Variants in BBS9 observed in about 807,000 individuals in gnomAD.
BBS9 encodes protein PTHB1.
A neutral mutation model predicts 117.7 loss-of-function variants in BBS9; 89 were observed. The observed-to-expected ratio is 0.76, with a 90% CI of 0.64 to 0.90. BBS9 has a LOEUF of 0.90. BBS9 is among the 40% of genes least tolerant of loss of function. The pLI, the probability that BBS9 is intolerant of heterozygous loss-of-function variation, is 0.00. For synonymous variants in BBS9, 379 were observed against 370.9 expected, an observed-to-expected ratio of 1.02 and a Z score of -0.25; for missense variants, 982 against 1,042.2, an observed-to-expected ratio of 0.94 and a Z score of 0.80.
intron 19 of BBS9, among the ~76,000 whole-genome samples, chr7:33,454,986 G>A (rs547766731): frequency 1.3e-5 from 2 of 152,166 alleles, no homozygotes; most frequent in South Asian, 2.1e-4. Flanking sequence ...AAGACCACTG[G>A]CAAGTGACAA....
intron 19 of BBS9, among the ~76,000 whole-genome samples, chr7:33,391,653 A>T (rs970430031): frequency 3.3e-5 from 5 of 151,932 alleles, no homozygotes; most frequent in African/African-American, 1.2e-4. Context: ...GGCCATTTGT[A>T]TTTCTTTTTT....
At chr7:33,225,286 C>T (rs1436859312) in intron 5 of BBS9, among the ~76,000 whole-genome samples, 1 of 152,118 alleles carries the variant, frequency 6.6e-6, no homozygotes, top group Non-Finnish European at 1.5e-5. Flanking sequence ...TGGCCTTGAC[C>T]TCCTGGGCTG....
chr7:33,280,905 G>GGT (rs1554395477), intron 9 of BBS9, among the ~76,000 whole-genome samples: 2 of 48,772 alleles, frequency 4.1e-5, no homozygotes, highest in East Asian at 5.0e-4. Context: ...TTAATTTGTC[G>GGT]TTTTTGTTTT....
intron 5 of BBS9, among the ~76,000 whole-genome samples, chr7:33,193,743 T>C (rs1784534824): frequency 6.6e-6 from 1 of 152,216 alleles, no homozygotes; most frequent in African/African-American, 2.4e-5. Context: ...CTCTCTTTTG[T>C]GATTTTGCTA....
chr7:33,621,685 AG>A (rs1865413484), intron 21 of BBS9, among the ~76,000 whole-genome samples: 1 of 152,190 alleles, frequency 6.6e-6, no homozygotes. Context: ...CCATATCCAA[AG>A]GAAATAAAAT....
At position 33,601,228 on chromosome 7, in the gene BBS9, C is replaced by T. The variant is rs79383716; in HGVS notation, c.2522-3637C>T. On this transcript the variant is annotated intron_variant, in intron 21 of 22. Coordinates refer to ENST00000242067, the MANE Select transcript of BBS9 (RefSeq NM_198428.3). ...TTTAAGTCTCCTGCCCTCCTCGAGGCGAGACGCTTGCCTGATTTCCAGGCC... is the reference window on the plus strand; with the variant it reads ...TTTAAGTCTCCTGCCCTCCTCGAGGTGAGACGCTTGCCTGATTTCCAGGCC... Among the ~76,000 whole-genome samples, 590 of 152,190 alleles carry T rather than the reference C, an allele frequency of 3.9e-3. 2 individuals carry two copies. Among genetic ancestry groups the T allele is most frequent in the African/African-American group, 0.014 (562 of 41,524 alleles).
chr7:33,534,519 G>A (rs1410494776), intron 21 of BBS9: 10 of 385,518 alleles, frequency 2.6e-5, no homozygotes, highest in Admixed American at 7.4e-5. Flanking sequence ...ACAATATTTC[G>A]TAAATGTAAA....
intron 9 of BBS9, among the ~76,000 whole-genome samples, chr7:33,298,571 T>A (rs761175117): frequency 8.5e-5 from 13 of 152,180 alleles, no homozygotes; most frequent in Non-Finnish European, 1.3e-4. Flanking sequence ...CTGAATGATA[T>A]CTCTCTTGAA....
At chr7:33,588,204 T>C (rs1124250) in intron 21 of BBS9, among the ~76,000 whole-genome samples, 2,284 of 152,208 alleles carry the variant, frequency 0.015, 64 homozygotes, top group Admixed American at 0.069. Flanking sequence ...TGTGTTTTTA[T>C]CCAGTGAAAT....
intron 17 of BBS9, among the ~76,000 whole-genome samples, chr7:33,376,609 A>T (rs1306291378): frequency 6.6e-6 from 1 of 152,182 alleles, no homozygotes; most frequent in African/African-American, 2.4e-5. Context: ...TTTTTTGAGG[A>T]ATTGCCACAC....
intron 19 of BBS9, among the ~76,000 whole-genome samples, chr7:33,502,198 C>T (rs1351737483): frequency 3.3e-5 from 5 of 152,124 alleles, no homozygotes; most frequent in East Asian, 3.9e-4. Flanking sequence ...GTGAGTCACA[C>T]GCCCAGCCTT....
intron 12 of BBS9, among the ~76,000 whole-genome samples, chr7:33,348,690 G>A (rs570819982): frequency 8.6e-4 from 131 of 152,166 alleles, no homozygotes; most frequent in Admixed American, 1.5e-3. Flanking sequence ...AATATATGAG[G>A]GTTCTAGTTT....
intron 10 of BBS9, 133 bp from the exon 11 acceptor site, chr7:33,340,764 C>A: frequency 1.5e-6 from 1 of 655,442 alleles, no homozygotes; most frequent in South Asian, 1.9e-5. Context: ...TACTGTAATG[C>A]ATTAGTTTTT....
At chr7:33,235,171 A>G (rs1793245004) in intron 5 of BBS9, among the ~76,000 whole-genome samples, 1 of 152,278 alleles carries the variant, frequency 6.6e-6, no homozygotes, top group East Asian at 1.9e-4. Flanking sequence ...GGTAGCATTG[A>G]ATAGTTTAAG....
At chr7:33,228,171 T>G (rs1218335335) in intron 5 of BBS9, among the ~76,000 whole-genome samples, 1 of 152,174 alleles carries the variant, frequency 6.6e-6, no homozygotes, top group African/African-American at 2.4e-5. Flanking sequence ...GTGGTCATTC[T>G]TGTAGAAATA....
At chr7:33,497,812 T>A (rs1844932727) in intron 19 of BBS9, among the ~76,000 whole-genome samples, 1 of 152,076 alleles carries the variant, frequency 6.6e-6, no homozygotes. Context: ...AGAGTGAGGG[T>A]CAGGGTACGG....
intron 19 of BBS9, among the ~76,000 whole-genome samples, chr7:33,421,818 T>C (rs1832903462): frequency 6.6e-6 from 1 of 152,210 alleles, no homozygotes; most frequent in African/African-American, 2.4e-5. Context: ...AAGGACATGG[T>C]TGGTACCTCC....
At chr7:33,598,038 C>A (rs952149937) in intron 21 of BBS9, among the ~76,000 whole-genome samples, 67 of 151,980 alleles carry the variant, frequency 4.4e-4, no homozygotes, top group African/African-American at 1.6e-3. Context: ...TGCCTCGGGT[C>A]CTACAGCTAG....
At chr7:33,432,263 C>A (rs1242892119) in intron 19 of BBS9, among the ~76,000 whole-genome samples, 1 of 144,950 alleles carries the variant, frequency 6.9e-6, no homozygotes, top group East Asian at 2.0e-4. Flanking sequence ...TGCCCGCCAC[C>A]ATGCCCGGCT....
Sources: gnomAD v4.1 joint callset for allele counts (sites outside exome capture counted in the v4.1 genomes callset) on GRCh38, gnomAD v4.1.1 for gene constraint, MANE v1.5 for transcripts, NCBI Gene and HGNC (gene_info 2026-07-23, HGNC 2026-07-21) for gene names.